Variants in ADCY1 observed in about 807,000 individuals in gnomAD.
ADCY1 encodes adenylate cyclase type 1.
A neutral mutation model predicts 105.4 loss-of-function variants in ADCY1; 28 were observed. The observed-to-expected ratio is 0.27, with a 90% confidence interval of 0.20 to 0.36. The LOEUF (loss-of-function observed/expected upper bound fraction) is 0.36, where lower values mean the gene tolerates loss of function less well. ADCY1 is among the 10% of genes least tolerant of loss of function. The pLI is 1.00. For missense variants in ADCY1, 977 were observed against 1,434.2 expected, an observed-to-expected ratio of 0.68 and a Z score of 5.15; for synonymous variants, 655 against 623.8, an observed-to-expected ratio of 1.05 and a Z score of -0.75.
intron 14 of ADCY1, among the ~76,000 whole-genome samples, chr7:45,691,860 T>G (rs747165876): frequency 1.3e-5 from 2 of 152,240 alleles, no homozygotes; most frequent in Admixed American, 1.3e-4. Context: ...CACCTCTTAC[T>G]CTGGTCACTT....
chr7:45,680,586 C>T (rs1175074746), intron 11 of ADCY1: 8 of 152,154 alleles, frequency 5.3e-5, no homozygotes, highest in Non-Finnish European at 1.0e-4. Flanking sequence ...ATTCATTTAA[C>T]TTTGTCATTA....
intron 14 of ADCY1, among the ~76,000 whole-genome samples, chr7:45,692,687 C>T (rs760367051): frequency 2.2e-4 from 33 of 152,166 alleles, no homozygotes; most frequent in African/African-American, 1.4e-4. Context: ...GTGTCCTCAC[C>T]GCCCCCATCC....
chr7:45,611,145 G>T (rs893501129), intron 3 of ADCY1, among the ~76,000 whole-genome samples: 9 of 150,120 alleles, frequency 6.0e-5, no homozygotes, highest in African/African-American at 2.2e-4. Flanking sequence ...ACTGATGATG[G>T]AAGTGAAGAG....
intron 4 of ADCY1, among the ~76,000 whole-genome samples, chr7:45,644,515 T>C (rs536486827): frequency 6.6e-6 from 1 of 152,210 alleles, no homozygotes; most frequent in Non-Finnish European, 1.5e-5. Context: ...CTTTCCTATC[T>C]GGATTCTCCT....
At chr7:45,631,718 A>G (rs1369926964) in intron 4 of ADCY1, among the ~76,000 whole-genome samples, 2 of 152,258 alleles carry the variant, frequency 1.3e-5, no homozygotes, top group African/African-American at 4.8e-5. Context: ...AGCTTTACAA[A>G]TACACATTGT....
At position 45,591,900 on chromosome 7, in the gene ADCY1, G is replaced by T. The variant is rs1053951736; in HGVS notation, c.640-859G>T. ...ACTGCTAGTGCTGGCTCCTTCTCAGGCTGGCCCCTTCTTTGTGTCTCATCT... is the reference window on the plus strand; with the variant it reads ...ACTGCTAGTGCTGGCTCCTTCTCAGTCTGGCCCCTTCTTTGTGTCTCATCT... On this transcript the variant is annotated intron_variant, in intron 1 of 19. Coordinates refer to ENST00000297323, the MANE Select transcript of ADCY1 (RefSeq NM_021116.4). The surrounding 1 kb of genome is among the most constrained non-coding windows in gnomAD (Gnocchi z 4.1). Among the ~76,000 whole-genome samples the T allele has an allele frequency of 1.3e-5, 2 of 152,234 alleles. No individual in the cohort carries two copies. Among genetic ancestry groups the T allele is most frequent in the Non-Finnish European group, 2.9e-5 (2 of 68,040 alleles).
intron 1 of ADCY1, among the ~76,000 whole-genome samples, chr7:45,583,388 T>C (rs1792620971): frequency 6.6e-6 from 1 of 152,226 alleles, no homozygotes; most frequent in South Asian, 2.1e-4. Context: ...CACTACAGCC[T>C]CTGAGCCCTG....
intron 4 of ADCY1, among the ~76,000 whole-genome samples, chr7:45,639,710 C>T (rs111921799): frequency 2.1e-3 from 318 of 152,332 alleles, no homozygotes; most frequent in African/African-American, 7.2e-3. Context: ...TGTTTCCTGG[C>T]GCATGCCAGA....
Position 45,686,448 on chromosome 7 carries a change from C to A in ADCY1, c.2328-99C>A, listed in dbSNP as rs1042406214. 148 of 1,508,362 alleles carry A rather than the reference C, an allele frequency of 9.8e-5. No individual in the cohort carries two copies. Among genetic ancestry groups the A allele is most frequent in the Non-Finnish European group, 1.2e-4 (134 of 1,127,036 alleles). The allele number at this position is 1,508,362 out of a possible 1,614,324, so 93.4% of individuals were successfully genotyped here. ...CCCAGCAAGCTGTTTTTGGGTGTCA[C>A]CACCTGAGGGTCACTCTGAACAGTT... On this transcript the variant is annotated intron_variant, in intron 13 of 19. Transcript: ENST00000297323. This position sits in a 1 kb window ranked among gnomAD's most constrained non-coding sequence, Gnocchi z 4.3.
chr7:45,610,912 G>A (rs1793557886), intron 3 of ADCY1, among the ~76,000 whole-genome samples: 1 of 151,512 alleles, frequency 6.6e-6, no homozygotes, highest in East Asian at 1.9e-4. Flanking sequence ...AGGTGATAAT[G>A]GAAGTATGGA....
intron 14 of ADCY1, among the ~76,000 whole-genome samples, chr7:45,691,207 C>T (rs532965892): frequency 9.8e-5 from 15 of 152,290 alleles, no homozygotes; most frequent in Non-Finnish European, 1.6e-4. Context: ...ATGAGCATAC[C>T]AGTAATTTTA....
intron 2 of ADCY1, among the ~76,000 whole-genome samples, chr7:45,599,748 TC>T (rs1264409366): frequency 1.8e-4 from 27 of 151,802 alleles, no homozygotes; most frequent in Non-Finnish European, 2.9e-5. Flanking sequence ...TACCTCAGCC[TC>T]CCGAGTAGCT....
intron 8 of ADCY1, chr7:45,664,642 G>T (rs1426827794): frequency 3.1e-6 from 2 of 637,492 alleles, no homozygotes; most frequent in African/African-American, 3.7e-5. Context: ...TTGTGTGTCT[G>T]TATTTTTTTA....
At chr7:45,633,966 G>T (rs1379073960) in intron 4 of ADCY1, among the ~76,000 whole-genome samples, 1 of 152,076 alleles carries the variant, frequency 6.6e-6, no homozygotes, top group Admixed American at 6.5e-5. Context: ...GTAGGCTATT[G>T]GTAGCTATGT....
At position 45,645,706 on chromosome 7, in the gene ADCY1, C is replaced by T. The variant is rs548336091; in HGVS notation, c.1021-2964C>T. Among the ~76,000 whole-genome samples the T allele has an allele frequency of 1.1e-4, 17 of 152,142 alleles. No individual in the cohort carries two copies. The South Asian group carries it at 3.3e-3, about 30-fold the overall frequency. On this transcript the variant is annotated intron_variant, in intron 4 of 19. Coordinates refer to ENST00000297323, the MANE Select transcript of ADCY1 (RefSeq NM_021116.4). ...TGGGGGCAGGGACACTAGCAGTTGC[C>T]CACAATCCCTGAGTCCACTCACGCA...
chr7:45,704,313 G>C (rs920700788), intron 16 of ADCY1, among the ~76,000 whole-genome samples: 1 of 152,190 alleles, frequency 6.6e-6, no homozygotes, highest in African/African-American at 2.4e-5. Context: ...GAGCTCACCT[G>C]TTGGGGACAG....
chr7:45,701,696 A>G (rs1302783088), intron 14 of ADCY1, among the ~76,000 whole-genome samples: 1 of 152,144 alleles, frequency 6.6e-6, no homozygotes, highest in Non-Finnish European at 1.5e-5. Flanking sequence ...CCAGAATGCC[A>G]TTATTGATGA....
chr7:45,686,698 TG>T lies in ADCY1; in HGVS notation c.2454+30del, dbSNP rs1784683855. The stretch of plus-strand genomic sequence containing the variant: ...GGCAAGACGAGCCCTTTCTGCTTTC[TG>T]GGGGTGGGGGATTTAGAGGAGGAAG... On this transcript the variant is annotated intron_variant, in intron 14 of 19. Transcript: ENST00000297323. This position sits in a 1 kb window ranked among gnomAD's most constrained non-coding sequence, Gnocchi z 4.3. The T allele has an allele frequency of 6.3e-7, 1 of 1,577,578 alleles. No homozygotes were observed. Among genetic ancestry groups the T allele is most frequent in the Non-Finnish European group, 8.6e-7 (1 of 1,158,184 alleles).
At chr7:45,699,273 A>G (rs1310648091) in intron 14 of ADCY1, among the ~76,000 whole-genome samples, 1 of 152,170 alleles carries the variant, frequency 6.6e-6, no homozygotes, top group Non-Finnish European at 1.5e-5. Context: ...GAGCACACTG[A>G]GGGCAGAACC....
Sources: allele counts gnomAD v4.1 joint callset (sites outside exome capture counted in the v4.1 genomes callset), GRCh38; gene constraint gnomAD v4.1.1; non-coding constraint Gnocchi (gnomAD v3.1); transcripts MANE v1.5; gene names NCBI Gene and HGNC (gene_info 2026-07-23, HGNC 2026-07-21).